The following TOX variants were observed in gnomAD, a reference collection of about 807,000 sequenced individuals.
TOX encodes thymocyte selection-associated high mobility group box protein TOX.
In TOX, 11 loss-of-function variants were observed where a neutral mutation model predicts 53.7. The observed-to-expected ratio is 0.20, with a 90% CI of 0.13 to 0.34. The LOEUF is 0.34. Ranked by LOEUF, TOX falls within the 10% of genes least tolerant of loss-of-function variation. The pLI, the probability that TOX is intolerant of heterozygous loss-of-function variation, is 1.00. For synonymous variants in TOX, 225 were observed against 245.3 expected (o/e 0.92, Z 0.77); for missense variants, 570 against 664.6 (o/e 0.86, Z 1.56).
chr8:59,025,136 G>A (rs1814210567), intron 1 of TOX, among the ~76,000 whole-genome samples: 1 of 152,116 alleles, frequency 6.6e-6, no homozygotes, highest in African/African-American at 2.4e-5. Flanking sequence ...ACAGCCCCTA[G>A]TACTGCAGCC....
intron 4 of TOX, among the ~76,000 whole-genome samples, chr8:58,849,755 A>C (rs1810778502): frequency 6.6e-6 from 1 of 152,240 alleles, no homozygotes; most frequent in Non-Finnish European, 1.5e-5. Flanking sequence ...ATCCAGATAC[A>C]AAAATTGATC....
Position 58,823,160 on chromosome 8 carries a change from G to A in TOX, c.1005+3662C>T, listed in dbSNP as rs183143905. On this transcript the variant is annotated intron_variant, in intron 6 of 8. Transcript: ENST00000361421. ...CGTTTTATTTTTGGCAGAGTTCAAC[G>A]TTATTCTAGCTTGGAGTCATGTTAA... Among the ~76,000 whole-genome samples the A allele has an allele frequency of 6.8e-4, 103 of 152,310 alleles. 2 individuals carry two copies. In the Middle Eastern group the frequency reaches 0.01, roughly 15 times the overall value.
chr8:59,033,262 G>A (rs1040131336), intron 1 of TOX, among the ~76,000 whole-genome samples: 1 of 152,170 alleles, frequency 6.6e-6, no homozygotes, highest in East Asian at 1.9e-4. Context: ...TGAGATCCTA[G>A]AAGGCTCACT....
intron 1 of TOX, among the ~76,000 whole-genome samples, chr8:58,976,796 C>G (rs1055366766): frequency 6.6e-6 from 1 of 152,216 alleles, no homozygotes; most frequent in Non-Finnish European, 1.5e-5. Context: ...CCACCAGAGC[C>G]TTTGGGTGAC....
chr8:58,921,061 A>C (rs1812065351), intron 3 of TOX, among the ~76,000 whole-genome samples: 1 of 143,284 alleles, frequency 7.0e-6, no homozygotes. Flanking sequence ...TTATGTGGAG[A>C]CACGGAGTTA....
intron 3 of TOX, among the ~76,000 whole-genome samples, chr8:58,938,066 G>GT (rs11438350): frequency 0.95 from 144,444 of 152,292 alleles, 68,566 homozygotes; most frequent in East Asian, 1. Flanking sequence ...CTGCCAATGA[G>GT]TCTCCCCTCT....
At chr8:58,963,339 ATAGG>A (rs1812836132) in intron 1 of TOX, among the ~76,000 whole-genome samples, 1 of 151,888 alleles carries the variant, frequency 6.6e-6, no homozygotes, top group African/African-American at 2.4e-5. Context: ...AGATAGATAG[ATAGG>A]TAGATAGATA....
chr8:58,924,878 CT>C (rs1812128497), intron 3 of TOX, among the ~76,000 whole-genome samples: 1 of 152,166 alleles, frequency 6.6e-6, no homozygotes, highest in Non-Finnish European at 1.5e-5. Context: ...CTTACTTGGC[CT>C]GTGTTTTTTG....
intron 3 of TOX, among the ~76,000 whole-genome samples, chr8:58,938,336 T>C (rs899104767): frequency 6.6e-6 from 1 of 152,200 alleles, no homozygotes; most frequent in Non-Finnish European, 1.5e-5. Flanking sequence ...AATTTATTCA[T>C]TGTGAAAATG....
intron 3 of TOX, among the ~76,000 whole-genome samples, chr8:58,899,751 C>T (rs765063674): frequency 1.1e-4 from 17 of 152,068 alleles, no homozygotes; most frequent in Admixed American, 2.6e-4. Flanking sequence ...TTTTGGATTC[C>T]GGATTTTCAG....
At chr8:59,076,426 A>C (rs371863871) in intron 1 of TOX, among the ~76,000 whole-genome samples, 2 of 152,238 alleles carry the variant, frequency 1.3e-5, no homozygotes, top group Non-Finnish European at 2.9e-5. Context: ...ATATGCTGAA[A>C]GAGAATTTTC....
chr8:59,031,479 T>C (rs1035534851), intron 1 of TOX, among the ~76,000 whole-genome samples: 21 of 152,202 alleles, frequency 1.4e-4, no homozygotes, highest in African/African-American at 4.8e-4. Context: ...TCATTGGGTA[T>C]AAATTAGGGA....
chr8:58,844,566 G>GCGAT (rs1810692730), intron 4 of TOX, among the ~76,000 whole-genome samples: 1 of 152,038 alleles, frequency 6.6e-6, no homozygotes, highest in African/African-American at 2.4e-5. Context: ...TCATAGCATC[G>GCGAT]GTACAGTGTT....
At chr8:58,981,259 C>T (rs1813201062) in intron 1 of TOX, among the ~76,000 whole-genome samples, 1 of 152,214 alleles carries the variant, frequency 6.6e-6, no homozygotes, top group Non-Finnish European at 1.5e-5. Flanking sequence ...CTTCCATCTT[C>T]CTTCCCAATT....
At chr8:58,852,481 T>C (rs1180320619) in intron 3 of TOX, among the ~76,000 whole-genome samples, 1 of 152,236 alleles carries the variant, frequency 6.6e-6, no homozygotes, top group Non-Finnish European at 1.5e-5. Flanking sequence ...TCCATTATGC[T>C]ATCTGAGTCA....
intron 1 of TOX, among the ~76,000 whole-genome samples, chr8:59,033,943 G>GA (rs1814408876): frequency 6.6e-6 from 1 of 152,170 alleles, no homozygotes; most frequent in Non-Finnish European, 1.5e-5. Flanking sequence ...CTTTCAGACT[G>GA]AAAGTCCTTG....
chr8:58,938,495 C>T (rs1275717626), intron 3 of TOX, among the ~76,000 whole-genome samples: 1 of 152,108 alleles, frequency 6.6e-6, no homozygotes, highest in African/African-American at 2.4e-5. Flanking sequence ...CTCTCCTTGG[C>T]CATCTACTAC....
rs368527326 is a variant in TOX, at chr8:59,118,889, G to C, written c.99C>G (p.Asn33Lys). 12 of 1,586,184 alleles carry C rather than the reference G, an allele frequency of 7.6e-6. No individual in the cohort carries two copies. In the East Asian group the frequency reaches 2.9e-4, roughly 39 times the overall value. ...PSPCLDPYYC[N>K]KFDGENMYMS... ...GAAACAAAAGCAGAGCGTTCACCTT[G>C]TTGCAATAGTAGGGGTCCAGGCAGG... is the stretch of plus-strand genomic sequence containing the variant. The change falls in exon 1 of 9, where the codon AAC (asparagine) becomes AAG (lysine). Residue 33 changes from asparagine (N) to lysine (K), a missense_variant. Physicochemically the swap from Asn to Lys is moderately conservative, Grantham distance 94 (BLOSUM62 0). This residue lies in a region of TOX where 282 missense variants were observed against 315.0 expected (regional missense o/e 0.90). Transcript: ENST00000361421. The surrounding 1 kb of genome is among the most constrained non-coding windows in gnomAD (Gnocchi z 4.1).
At chr8:58,834,121 AAC>A (rs1219057634) in intron 5 of TOX, among the ~76,000 whole-genome samples, 1 of 152,222 alleles carries the variant, frequency 6.6e-6, no homozygotes, top group East Asian at 1.9e-4. Flanking sequence ...CTGTCAAGAA[AAC>A]ATGCAATTGT....
Sources: allele counts gnomAD v4.1 joint callset (sites outside exome capture counted in the v4.1 genomes callset), GRCh38; gene constraint gnomAD v4.1.1; regional missense constraint gnomAD v4.1.1; non-coding constraint Gnocchi (gnomAD v3.1); transcripts MANE v1.5; gene names NCBI Gene and HGNC (gene_info 2026-07-23, HGNC 2026-07-21).